The following C11orf65 variants were observed in gnomAD, a reference collection of about 807,000 sequenced individuals.
C11orf65 encodes chromosome 11 open reading frame 65, also known as protein MFI.
C11orf65 carries 38 observed loss-of-function variants against 35.3 expected under a neutral mutation model. The ratio of observed to expected loss-of-function variants is 1.08; its 90% CI spans 0.83 to 1.41. The LOEUF (loss-of-function observed/expected upper bound fraction) is 1.41, where lower values mean the gene tolerates loss of function less well. C11orf65 is among the 40% of genes most tolerant of loss of function. The pLI, the probability that C11orf65 is intolerant of heterozygous loss-of-function variation, is 0.00. For synonymous variants in C11orf65, 105 were observed against 114.4 expected (o/e 0.92, Z 0.53); for missense variants, 370 against 367.1 (o/e 1.01, Z -0.06).
At chr11:108,315,920 C>G (rs768737262) in intron 6 of C11orf65, 2 of 1,609,518 alleles carry the variant, frequency 1.2e-6, no homozygotes, top group Non-Finnish European at 1.7e-6. Flanking sequence ...AGGTAAATTG[C>G]ATTTTTCTAA....
At chr11:108,403,154 A>T (rs532881636) in intron 6 of C11orf65, among the ~76,000 whole-genome samples, 1 of 152,300 alleles carries the variant, frequency 6.6e-6, no homozygotes, top group East Asian at 1.9e-4. Flanking sequence ...TTAAAAAAAA[A>T]CTTGTCAAAC....
intron 2 of C11orf65, chr11:108,366,414 AT>A (rs1438726626): frequency 4.1e-5 from 9 of 218,622 alleles, no homozygotes; most frequent in Admixed American, 2.9e-4. Context: ...AATGTTTTTT[AT>A]GTCACTAATT....
chr11:108,343,056 G>A (rs1225238123), intron 2 of C11orf65, among the ~76,000 whole-genome samples: 1 of 152,118 alleles, frequency 6.6e-6, no homozygotes, highest in Non-Finnish European at 1.5e-5. Context: ...TTGAGCTTAA[G>A]TTTATTTCCG....
Position 108,310,260 on chromosome 11 carries a change from TTACTC to T in C11orf65, c.641-1194_641-1190del. The stretch of plus-strand genomic sequence containing the variant: ...GTCTTGTGCTGCTCACTTTACAGCT[TTACTC>T]TATGCAGAAATCTATGCAGATAAGA... On this transcript the variant is annotated intron_variant, in intron 6 of 6. Coordinates refer to the C11orf65 transcript ENST00000525729. 6.2e-7 allele frequency: 1 copy of T among 1,613,590 alleles called. No individual in the cohort carries two copies. The highest frequency in any genetic ancestry group is 8.5e-7 in the Non-Finnish European group (1 of 1,179,690).
intron 2 of C11orf65, among the ~76,000 whole-genome samples, chr11:108,440,856 G>A (rs2093141242): frequency 6.6e-6 from 1 of 152,140 alleles, no homozygotes; most frequent in African/African-American, 2.4e-5. Context: ...GGAAGAGGAG[G>A]TTCCAAGATG....
At position 108,448,307 on chromosome 11, in the gene C11orf65, G is replaced by C. The variant is rs557654870; in HGVS notation, c.81+13172C>G. ...TATGAGGCCAGCATTATCCTGATAC[G>C]AAAGCCAGGCAGAGACACAACCGAA... On this transcript the variant is annotated intron_variant, in intron 2 of 8. Transcript: ENST00000393084. Among the ~76,000 whole-genome samples the C allele has an allele frequency of 1.8e-3, 274 of 152,162 alleles. 2 individuals are homozygous for C. The highest frequency in any genetic ancestry group is 6.4e-3 in the African/African-American group (264 of 41,516).
intron 3 of C11orf65, among the ~76,000 whole-genome samples, chr11:108,412,944 G>GA (rs1220305034): frequency 6.6e-6 from 1 of 152,006 alleles, no homozygotes; most frequent in African/African-American, 2.4e-5. Context: ...AAAACTGCAA[G>GA]AAAAAATATA....
At chr11:108,394,397 T>G (rs1193281227) in intron 6 of C11orf65, among the ~76,000 whole-genome samples, 1 of 152,092 alleles carries the variant, frequency 6.6e-6, no homozygotes, top group Non-Finnish European at 1.5e-5. Context: ...GATCCTCATC[T>G]CAATTAATAA....
rs1343241188 is a variant in C11orf65, at chr11:108,432,378, T to G, written c.82-540A>C. ...GACACAAGAAAACATTCAATAAATA[T>G]TAGCCATTGTTACCATTGCAGAATC... On this transcript the variant is annotated intron_variant, in intron 2 of 8. Coordinates refer to ENST00000393084, the MANE Select transcript of C11orf65 (RefSeq NM_152587.5). Among the ~76,000 whole-genome samples the G allele has an allele frequency of 5.3e-5, 8 of 152,230 alleles. 1 individual carries two copies. Among genetic ancestry groups the G allele is most frequent in the Non-Finnish European group, 1.2e-4 (8 of 68,034 alleles).
At chr11:108,338,600 G>T (rs1311613591) in intron 2 of C11orf65, among the ~76,000 whole-genome samples, 1 of 151,984 alleles carries the variant, frequency 6.6e-6, no homozygotes, top group Non-Finnish European at 1.5e-5. Flanking sequence ...GGCTGTGCAT[G>T]AGCTGTGATC....
At chr11:108,460,980 C>A (rs2093467384) in intron 2 of C11orf65, among the ~76,000 whole-genome samples, 1 of 152,142 alleles carries the variant, frequency 6.6e-6, no homozygotes, top group South Asian at 2.1e-4. Context: ...CTGCCTCAGC[C>A]TCTCAAAGTG....
intron 2 of C11orf65, among the ~76,000 whole-genome samples, chr11:108,436,060 T>C (rs1005018972): frequency 1.3e-5 from 2 of 151,368 alleles, no homozygotes; most frequent in African/African-American, 4.9e-5. Flanking sequence ...TGACAGGTCA[T>C]TGCTGGTTTT....
chr11:108,330,369 G>T (rs774281788), downstream of C11orf65: 2 of 1,614,158 alleles, frequency 1.2e-6, no homozygotes, highest in Non-Finnish European at 1.7e-6. Context: ...TTCCGACTTT[G>T]TTCCCTCTGG....
chr11:108,427,437 C>T (rs539273671), intron 3 of C11orf65, among the ~76,000 whole-genome samples: 189 of 978 alleles, frequency 0.19, 1 homozygote, highest in African/African-American at 0.38. Flanking sequence ...TTTTAAAAAG[C>T]TCGGCCGGGC....
At chr11:108,376,490 G>A (rs1323747308) in intron 2 of C11orf65, among the ~76,000 whole-genome samples, 1 of 152,022 alleles carries the variant, frequency 6.6e-6, no homozygotes, top group African/African-American at 2.4e-5. Flanking sequence ...GTGTGTAGAG[G>A]GAAATTTATA....
intron 2 of C11orf65, among the ~76,000 whole-genome samples, chr11:108,450,338 G>A (rs1049580574): frequency 2.0e-5 from 3 of 151,598 alleles, no homozygotes; most frequent in African/African-American, 4.9e-5. Flanking sequence ...TGTTTATTGC[G>A]GCACTATTCA....
chr11:108,436,417 T>C (rs570140170), intron 2 of C11orf65, among the ~76,000 whole-genome samples: 2 of 152,296 alleles, frequency 1.3e-5, no homozygotes, highest in South Asian at 2.1e-4. Context: ...AGGTAGAGTA[T>C]GGTTCAGCAA....
chr11:108,329,412 TG>T (rs1340947253), downstream of C11orf65: 2 of 662,042 alleles, frequency 3.0e-6, no homozygotes, highest in South Asian at 2.0e-5. Context: ...TTTTGTTTTT[TG>T]TTTTTTTTTT....
intron 2 of C11orf65, among the ~76,000 whole-genome samples, chr11:108,437,403 T>C (rs559975972): frequency 4.8e-4 from 73 of 152,072 alleles, no homozygotes; most frequent in Non-Finnish European, 8.4e-4. Flanking sequence ...TGTATCTGGA[T>C]AGATAAAAAT....
Sources: gnomAD v4.1 joint callset for allele counts (sites outside exome capture counted in the v4.1 genomes callset) on GRCh38, gnomAD v4.1.1 for gene constraint, MANE v1.5 for transcripts, NCBI Gene and HGNC (gene_info 2026-07-23, HGNC 2026-07-21) for gene names.